Variants in GALNT16 observed in about 807,000 individuals in gnomAD.
The protein encoded by GALNT16 is polypeptide N-acetylgalactosaminyltransferase 16.
In GALNT16, 40 loss-of-function variants were observed where a neutral mutation model predicts 76.1. The ratio of observed to expected loss-of-function variants is 0.53; its 90% CI spans 0.41 to 0.68. The LOEUF (loss-of-function observed/expected upper bound fraction) is 0.68. Ranked by LOEUF, GALNT16 falls within the 30% of genes least tolerant of loss-of-function variation. The pLI, the probability that GALNT16 is intolerant of heterozygous loss-of-function variation, is 0.00. For synonymous variants in GALNT16, 276 were observed against 285.2 expected, an observed-to-expected ratio of 0.97 and a Z score of 0.32; for missense variants, 621 against 731.9, an observed-to-expected ratio of 0.85 and a Z score of 1.75.
intron 5 of GALNT16, 84 bp downstream of exon 5, chr14:69,326,111 C>A (rs1183637094): frequency 9.9e-7 from 1 of 1,008,496 alleles, no homozygotes. Context: ...GGTGCCGTGG[C>A]ACACCAAGCC....
chr14:69,337,676 G>A (rs934072700), intron 9 of GALNT16, among the ~76,000 whole-genome samples: 1 of 152,196 alleles, frequency 6.6e-6, no homozygotes, highest in African/African-American at 2.4e-5. Flanking sequence ...ATCCTTACAT[G>A]TGGGTCCAGG....
At chr14:69,341,901 G>A (rs986341876) in intron 12 of GALNT16, 137 bp downstream of exon 12, 14 of 654,868 alleles carry the variant, frequency 2.1e-5, no homozygotes, top group African/African-American at 9.0e-5. Context: ...TTATCTTCAC[G>A]TGACGGCTGT....
intron 1 of GALNT16, among the ~76,000 whole-genome samples, chr14:69,281,493 G>A (rs1305207697): frequency 6.6e-6 from 1 of 152,162 alleles, no homozygotes; most frequent in African/African-American, 2.4e-5. Context: ...AAGGATGAGA[G>A]GAAAAGAAGG....
chr14:69,295,179 T>C (rs907194406), intron 1 of GALNT16, among the ~76,000 whole-genome samples: 3 of 151,998 alleles, frequency 2.0e-5, no homozygotes, highest in Admixed American at 2.0e-4. Flanking sequence ...TTAGGGAGGC[T>C]GAGGCGGGTG....
At chr14:69,294,360 G>T (rs1176329925) in intron 1 of GALNT16, among the ~76,000 whole-genome samples, 2 of 152,156 alleles carry the variant, frequency 1.3e-5, no homozygotes, top group Non-Finnish European at 2.9e-5. Context: ...GACCTCAAAT[G>T]ATCCATCTGC....
At chr14:69,318,761 C>A (rs954391401) in intron 1 of GALNT16, among the ~76,000 whole-genome samples, 2 of 152,234 alleles carry the variant, frequency 1.3e-5, no homozygotes, top group South Asian at 2.1e-4. Flanking sequence ...CATCCCTCTG[C>A]AGTTTTTCTT....
intron 14 of GALNT16, chr14:69,349,870 T>A (rs930393037): frequency 1.1e-4 from 17 of 152,298 alleles, no homozygotes; most frequent in African/African-American, 3.6e-4. Context: ...ATCCCGCTGT[T>A]TGGGGAGCAC....
chr14:69,351,973 TA>T (rs2140207173), intron 14 of GALNT16, 57 bp from the exon 15 acceptor site: 1 of 1,507,688 alleles, frequency 6.6e-7, no homozygotes, highest in Non-Finnish European at 9.0e-7. Context: ...AGTACAACAT[TA>T]TTTTTTTAAA....
At chr14:69,356,962 A>G (rs1332062540), downstream of GALNT16, 1 of 152,218 alleles carries the variant, frequency 6.6e-6, no homozygotes. Context: ...ATCGCAAAGC[A>G]TCTGGCCCTT....
At chr14:69,303,388 G>C (rs982741420) in intron 1 of GALNT16, among the ~76,000 whole-genome samples, 1 of 152,126 alleles carries the variant, frequency 6.6e-6, no homozygotes, top group African/African-American at 2.4e-5. Context: ...ATAGGGTAGA[G>C]ATGGCAGAGA....
chr14:69,316,838 C>T (rs1430873804), intron 1 of GALNT16, among the ~76,000 whole-genome samples: 1 of 151,526 alleles, frequency 6.6e-6, no homozygotes, highest in Non-Finnish European at 1.5e-5. Context: ...GCTGTTTTCT[C>T]TCCATTTGAT....
rs200098319 is a variant in GALNT16, at chr14:69,322,922, CG to C, written c.336-1766del. On this transcript the variant is annotated intron_variant, in intron 2 of 14. Transcript: ENST00000448469. Reference sequence around the variant, plus strand: ...GAAAAAAGAAAGCTGAGGTGGCTCACGGGGTGTGTGTGTGTGTGTGTGTGTG... The same window carrying C: ...GAAAAAAGAAAGCTGAGGTGGCTCACGGGTGTGTGTGTGTGTGTGTGTGTG... Among the ~76,000 whole-genome samples, 207 of 115,852 alleles carry C rather than the reference CG, an allele frequency of 1.8e-3. 6 individuals are homozygous for C. The highest frequency in any genetic ancestry group is 0.011 in the South Asian group (31 of 2,934). The allele number at this position is 115,852 out of a possible 152,430, so 76.0% of individuals were successfully genotyped here.
intron 1 of GALNT16, among the ~76,000 whole-genome samples, chr14:69,308,698 AC>A (rs1437202451): frequency 2.0e-5 from 3 of 152,246 alleles, no homozygotes; most frequent in African/African-American, 7.2e-5. Context: ...CTAAACCAGG[AC>A]AAGTGCTCAT....
At chr14:69,328,614 A>G in intron 6 of GALNT16, 43 bp downstream of exon 6, 3 of 1,591,684 alleles carry the variant, frequency 1.9e-6, no homozygotes, top group Non-Finnish European at 2.6e-6. Context: ...TTGGGGACTC[A>G]GCCACTACGT....
chr14:69,265,173 A>G (rs2044327215), intron 1 of GALNT16, among the ~76,000 whole-genome samples: 1 of 151,336 alleles, frequency 6.6e-6, no homozygotes, highest in Non-Finnish European at 1.5e-5. Context: ...TTCCTGGGCC[A>G]TTTCGAGACC....
chr14:69,282,746 A>G (rs2044561152), intron 1 of GALNT16, among the ~76,000 whole-genome samples: 1 of 151,826 alleles, frequency 6.6e-6, no homozygotes, highest in Non-Finnish European at 1.5e-5. Flanking sequence ...GCTCACTACA[A>G]CGTCCGCCTC....
the GALNT16 span, among the ~76,000 whole-genome samples, chr14:69,367,823 T>C: frequency 6.6e-6 from 1 of 151,938 alleles, no homozygotes; most frequent in East Asian, 1.9e-4. Flanking sequence ...ACCCTGTTTC[T>C]ACCAAATAAA....
chr14:69,371,363 C>T, the GALNT16 span, among the ~76,000 whole-genome samples: 1 of 151,986 alleles, frequency 6.6e-6, no homozygotes, highest in African/African-American at 2.4e-5. Context: ...AAGCGATTCT[C>T]CTGCCTCAGC....
the GALNT16 span, among the ~76,000 whole-genome samples, chr14:69,363,522 A>G: frequency 6.6e-6 from 1 of 152,210 alleles, no homozygotes; most frequent in African/African-American, 2.4e-5. Flanking sequence ...GGGTGCTGTG[A>G]GATTTAAATA....
Sources: allele counts gnomAD v4.1 joint callset (sites outside exome capture counted in the v4.1 genomes callset), GRCh38; gene constraint gnomAD v4.1.1; transcripts MANE v1.5; gene names NCBI Gene and HGNC (gene_info 2026-07-23, HGNC 2026-07-21).